Variants in IL1RAP observed in about 807,000 individuals in gnomAD.
The protein encoded by IL1RAP is interleukin 1 receptor accessory protein.
In IL1RAP, 35 loss-of-function variants were observed where a neutral mutation model predicts 60.7. That is an observed-to-expected ratio of 0.58 (90% CI 0.44 to 0.76). The LOEUF (loss-of-function observed/expected upper bound fraction) is 0.76. IL1RAP is among the 30% of genes least tolerant of loss of function. The pLI is 0.00. For missense variants in IL1RAP, 572 were observed against 693.9 expected (o/e 0.82, Z 1.97); for synonymous variants, 268 against 250.9 (o/e 1.07, Z -0.64).
rs1202476066 is a variant in IL1RAP at position 190,627,384 on chromosome 3, G to T, written c.837G>T (p.Glu279Asp). ...GTTTTCTGATGGATTCTCGCAATGA[G>T]GTTTGGTGGACCATTGATGGAAAAA... ...YFSFLMDSRN[E>D]VWWTIDGKKP... Residue 279 changes from glutamate to aspartate, a missense_variant, in exon 8 of 12, where the codon GAG becomes GAT. Glu to Asp is a conservative substitution (Grantham distance 45, BLOSUM62 2). Coordinates refer to ENST00000447382, the MANE Select transcript of IL1RAP (RefSeq NM_002182.4). 1 of 1,613,200 alleles carries T rather than the reference G, an allele frequency of 6.2e-7. No homozygotes were observed. The highest frequency in any genetic ancestry group is 1.7e-5 in the Admixed American group (1 of 59,962).
intron 3 of IL1RAP, among the ~76,000 whole-genome samples, chr3:190,593,294 G>A (rs1729101558): frequency 6.6e-6 from 1 of 152,116 alleles, no homozygotes; most frequent in Admixed American, 6.5e-5. Flanking sequence ...ACATGAGGAT[G>A]CGTGATGGAT....
chr3:190,609,929 T>TA (rs772921978), intron 5 of IL1RAP, among the ~76,000 whole-genome samples: 12 of 152,110 alleles, frequency 7.9e-5, no homozygotes, highest in South Asian at 6.2e-4. Flanking sequence ...AGCCAACAGG[T>TA]ACTCACTGGA....
At chr3:190,648,062 C>G (rs760958548) in intron 11 of IL1RAP, among the ~76,000 whole-genome samples, 3 of 152,108 alleles carry the variant, frequency 2.0e-5, no homozygotes, top group Non-Finnish European at 4.4e-5. Context: ...TTTTGAAGAT[C>G]AAGGTCACAA....
chr3:190,609,077 C>A lies in IL1RAP; in HGVS notation c.433C>A (p.Pro145Thr). The A allele has an allele frequency of 6.2e-7, 1 of 1,613,162 alleles. No homozygotes were observed. The highest frequency in any genetic ancestry group is 8.5e-7 in the Non-Finnish European group (1 of 1,179,412). Residue 145 changes from proline (P) to threonine (T), a missense_variant, in exon 5 of 12, where the codon CCA becomes ACA. Pro to Thr is a conservative substitution (Grantham distance 38). Coordinates refer to ENST00000447382, the MANE Select transcript of IL1RAP (RefSeq NM_002182.4). ...CTGTTTCAATTCCCCCATGAAACTC[C>A]CAGTGCATAAACTGTATATAGAATA... ...DSCFNSPMKL[P>T]VHKLYIEYGI...
chr3:190,597,800 G>A (rs1050034900), intron 3 of IL1RAP, among the ~76,000 whole-genome samples: 1 of 152,078 alleles, frequency 6.6e-6, no homozygotes, highest in African/African-American at 2.4e-5. Flanking sequence ...TGTTATGTTA[G>A]CTCTCCTTTT....
chr3:190,645,159 A>T (rs1422784534), intron 10 of IL1RAP, among the ~76,000 whole-genome samples: 1 of 152,228 alleles, frequency 6.6e-6, no homozygotes, highest in Non-Finnish European at 1.5e-5. Flanking sequence ...CCCCATAAAG[A>T]TTTTAATTCA....
chr3:190,625,959 G>C (rs1256869910), intron 7 of IL1RAP, among the ~76,000 whole-genome samples: 1 of 152,146 alleles, frequency 6.6e-6, no homozygotes, highest in Non-Finnish European at 1.5e-5. Context: ...AAGACTTAAG[G>C]ACGTTGCAAT....
intron 9 of IL1RAP, among the ~76,000 whole-genome samples, chr3:190,636,928 T>A (rs898600555): frequency 6.6e-6 from 1 of 152,208 alleles, no homozygotes; most frequent in South Asian, 2.1e-4. Flanking sequence ...TTTTGAGCTT[T>A]TGGCTCTTCC....
intron 1 of IL1RAP, among the ~76,000 whole-genome samples, chr3:190,530,233 AT>A (rs1402527132): frequency 6.6e-6 from 1 of 152,154 alleles, no homozygotes; most frequent in African/African-American, 2.4e-5. Flanking sequence ...AGGAGGCACT[AT>A]TTTTTGGGGA....
intron 1 of IL1RAP, among the ~76,000 whole-genome samples, chr3:190,527,556 G>T (rs1025807359): frequency 1.3e-5 from 2 of 152,134 alleles, no homozygotes; most frequent in African/African-American, 4.8e-5. Flanking sequence ...CATGTGGAAG[G>T]CAGGAAGTTT....
chr3:190,542,543 A>G (rs1246595699), intron 1 of IL1RAP, among the ~76,000 whole-genome samples: 3 of 152,186 alleles, frequency 2.0e-5, no homozygotes, highest in South Asian at 4.1e-4. Context: ...TTTGGAAAAT[A>G]CTTGTTGAGT....
Position 190,553,861 on chromosome 3 carries a change from C to G in IL1RAP, c.-88-2269C>G, listed in dbSNP as rs1044392960. On this transcript the variant is annotated intron_variant, in intron 1 of 11. Coordinates refer to ENST00000447382, the MANE Select transcript of IL1RAP (RefSeq NM_002182.4). ...GGATCACGAGGTCAGGAGATCGAGACCATCCCGGCTAAAAACGGTGAAACC... is the reference window on the plus strand; with the variant it reads ...GGATCACGAGGTCAGGAGATCGAGAGCATCCCGGCTAAAAACGGTGAAACC... Among the ~76,000 whole-genome samples, 12 of 151,764 alleles carry G rather than the reference C, an allele frequency of 7.9e-5. No individual in the cohort carries two copies. The South Asian group carries it at 2.3e-3, about 29-fold the overall frequency.
At chr3:190,586,561 T>C (rs1373869651) in intron 3 of IL1RAP, among the ~76,000 whole-genome samples, 1 of 152,218 alleles carries the variant, frequency 6.6e-6, no homozygotes, top group African/African-American at 2.4e-5. Flanking sequence ...TTTTGAGCAA[T>C]AAGCAACCTG....
At chr3:190,580,699 G>A (rs1403461015) in intron 3 of IL1RAP, among the ~76,000 whole-genome samples, 2 of 152,136 alleles carry the variant, frequency 1.3e-5, no homozygotes, top group African/African-American at 2.4e-5. Context: ...GTTACGCAAG[G>A]TAAGTCCTAG....
At chr3:190,516,411 TA>T (rs1490896748) in intron 1 of IL1RAP, 5 of 152,386 alleles carry the variant, frequency 3.3e-5, no homozygotes, top group Admixed American at 1.3e-4. Context: ...GATTAAAAGC[TA>T]ATTCCTTTGG....
chr3:190,637,508 A>G (rs1733316907), intron 9 of IL1RAP, among the ~76,000 whole-genome samples: 1 of 152,092 alleles, frequency 6.6e-6, no homozygotes, highest in African/African-American at 2.4e-5. Flanking sequence ...ATATCAATCC[A>G]TCTTATTTTC....
chr3:190,522,189 G>A (rs975294882), intron 1 of IL1RAP, among the ~76,000 whole-genome samples: 4 of 151,964 alleles, frequency 2.6e-5, no homozygotes, highest in East Asian at 3.9e-4. Flanking sequence ...GCTGAGCTTC[G>A]GAATCAGGCT....
chr3:190,531,379 C>T (rs981889717), intron 1 of IL1RAP, among the ~76,000 whole-genome samples: 1 of 152,138 alleles, frequency 6.6e-6, no homozygotes, highest in Non-Finnish European at 1.5e-5. Flanking sequence ...TGTTCTGTTT[C>T]CTCACTTTCC....
intron 1 of IL1RAP, among the ~76,000 whole-genome samples, chr3:190,541,921 C>T (rs1723967708): frequency 6.6e-6 from 1 of 152,120 alleles, no homozygotes; most frequent in Non-Finnish European, 1.5e-5. Context: ...AAGATGTTTT[C>T]TTGGGAAACT....
Sources: gnomAD v4.1 joint callset for allele counts (sites outside exome capture counted in the v4.1 genomes callset) on GRCh38, gnomAD v4.1.1 for gene constraint, MANE v1.5 for transcripts, NCBI Gene and HGNC (gene_info 2026-07-23, HGNC 2026-07-21) for gene names.